NTM: variants seen among roughly 807,000 people sequenced by gnomAD.
The protein encoded by NTM is neurotrimin.
NTM carries 13 observed loss-of-function variants against 42.1 expected under a neutral mutation model. That is an observed-to-expected ratio of 0.31 (90% CI 0.20 to 0.49). The LOEUF is 0.49. NTM is among the 20% of genes least tolerant of loss of function. The probability of loss-of-function intolerance (pLI) is 0.99; values close to 1 mark genes in which losing one functional copy is unlikely to be tolerated. For synonymous variants in NTM, 187 were observed against 179.2 expected (o/e 1.04, Z -0.35); for missense variants, 373 against 452.8 (o/e 0.82, Z 1.60).
At chr11:132,142,163 TC>T (rs903451862) in intron 2 of NTM, among the ~76,000 whole-genome samples, 1 of 152,216 alleles carries the variant, frequency 6.6e-6, no homozygotes, top group Non-Finnish European at 1.5e-5. Context: ...TCTGGGAACA[TC>T]CCGCCCTTTT....
At chr11:132,206,495 C>T (rs1265397136) in intron 3 of NTM, among the ~76,000 whole-genome samples, 1 of 152,210 alleles carries the variant, frequency 6.6e-6, no homozygotes, top group African/African-American at 2.4e-5. Context: ...TCATAACTTA[C>T]TCCTATGTCT....
rs569490581 is a variant in NTM at position 131,847,728 on chromosome 11, A to G, written c.83-63836A>G. 1.8e-4 allele frequency among the ~76,000 whole-genome samples: 28 copies of G among 152,254 alleles called. 1 individual carries two copies. The South Asian group carries it at 5.4e-3, about 29-fold the overall frequency. ...CAGCAGTAGGGAAATACCAAAAAAAAATAAAAATAAAATAAAAACAATAAC... is the reference window on the plus strand; with the variant it reads ...CAGCAGTAGGGAAATACCAAAAAAAGATAAAAATAAAATAAAAACAATAAC... On this transcript the variant is annotated intron_variant, in intron 1 of 8. Coordinates refer to ENST00000683400, the MANE Select transcript of NTM (RefSeq NM_001352005.2).
At chr11:131,650,173 A>G (rs2066290110) in intron 1 of NTM, among the ~76,000 whole-genome samples, 1 of 152,158 alleles carries the variant, frequency 6.6e-6, no homozygotes, top group Admixed American at 6.5e-5. Context: ...CCATTTCACT[A>G]AGACACCATG....
chr11:132,315,180 C>A, intron 7 of NTM: 2 of 690,370 alleles, frequency 2.9e-6, no homozygotes, highest in Non-Finnish European at 3.6e-6. Context: ...CTATTTCAGT[C>A]TTTGCTTACT....
intron 1 of NTM, among the ~76,000 whole-genome samples, chr11:131,418,197 A>T (rs1947145454): frequency 6.6e-6 from 1 of 152,220 alleles, no homozygotes; most frequent in Non-Finnish European, 1.5e-5. Flanking sequence ...AGAGACCTTT[A>T]AATGTCAACA....
At chr11:131,446,092 C>T (rs1252710874) in intron 1 of NTM, among the ~76,000 whole-genome samples, 1 of 152,196 alleles carries the variant, frequency 6.6e-6, no homozygotes, top group Admixed American at 6.5e-5. Flanking sequence ...CAACTTAAGA[C>T]ATCACACGTC....
At chr11:131,760,718 T>A (rs750588595) in intron 1 of NTM, among the ~76,000 whole-genome samples, 8 of 152,034 alleles carry the variant, frequency 5.3e-5, no homozygotes, top group Non-Finnish European at 1.2e-4. Context: ...TCTCATGGGA[T>A]CTGGGCCCTG....
intron 1 of NTM, among the ~76,000 whole-genome samples, chr11:131,640,215 A>G (rs1056463082): frequency 6.6e-6 from 1 of 152,222 alleles, no homozygotes; most frequent in African/African-American, 2.4e-5. Flanking sequence ...TAAGCAAAGG[A>G]TGAGACCAAA....
chr11:132,326,863 G>A (rs1214419196), intron 7 of NTM, among the ~76,000 whole-genome samples: 1 of 152,172 alleles, frequency 6.6e-6, no homozygotes, highest in Non-Finnish European at 1.5e-5. Context: ...TACGCTCCAA[G>A]TTATACTTAC....
chr11:131,496,773 A>T (rs115086924), intron 1 of NTM, among the ~76,000 whole-genome samples: 3,982 of 152,320 alleles, frequency 0.026, 171 homozygotes, highest in African/African-American at 0.09. Context: ...TGGCCCAGAC[A>T]GCACCTCCTC....
At chr11:131,789,241 AAGTTATAT>A (rs2089782055) in intron 1 of NTM, among the ~76,000 whole-genome samples, 1 of 151,512 alleles carries the variant, frequency 6.6e-6, no homozygotes, top group Admixed American at 6.6e-5. Context: ...AGAGTTCCTA[AAGTTATAT>A]AGTTATATAG....
At chr11:131,436,948 G>A (rs143478515) in intron 1 of NTM, among the ~76,000 whole-genome samples, 5,023 of 152,220 alleles carry the variant, frequency 0.033, 303 homozygotes, top group African/African-American at 0.12. Context: ...TCTACACACT[G>A]CTTTAAATGT....
chr11:132,310,056 C>CAAAAAAAAAAA, intron 5 of NTM, 56 bp from the exon 6 acceptor site: 1 of 1,316,924 alleles, frequency 7.6e-7, no homozygotes, highest in South Asian at 1.7e-5. Context: ...GACTCCATCT[C>CAAAAAAAAAAA]AAAAAAAAAA....
intron 1 of NTM, among the ~76,000 whole-genome samples, chr11:131,821,861 T>C (rs143010194): frequency 8.0e-4 from 122 of 152,320 alleles, no homozygotes; most frequent in African/African-American, 2.5e-3. Context: ...CACAGAACTT[T>C]CTTAGGTCTA....
At chr11:131,904,459 G>A (rs1273523385) in intron 1 of NTM, among the ~76,000 whole-genome samples, 1 of 152,188 alleles carries the variant, frequency 6.6e-6, no homozygotes, top group South Asian at 2.1e-4. Flanking sequence ...AATGTCTCCA[G>A]GTGACTCTTT....
At chr11:131,664,532 C>T (rs371714573) in intron 1 of NTM, among the ~76,000 whole-genome samples, 1 of 152,170 alleles carries the variant, frequency 6.6e-6, no homozygotes, top group East Asian at 1.9e-4. Context: ...CGTATGGGCC[C>T]CAGGAAATTA....
chr11:131,380,053 C>T (rs1157742247), intron 1 of NTM, among the ~76,000 whole-genome samples: 3 of 152,178 alleles, frequency 2.0e-5, no homozygotes, highest in African/African-American at 7.2e-5. Flanking sequence ...ACTCCCTGCT[C>T]CATGGCCTCT....
chr11:131,984,214 C>T (rs1432530674), intron 2 of NTM, among the ~76,000 whole-genome samples: 1 of 152,158 alleles, frequency 6.6e-6, no homozygotes, highest in Admixed American at 6.5e-5. Context: ...TCCGAGTTCA[C>T]CTGGTGGTAT....
chr11:131,647,408 A>G (rs1409056794), intron 1 of NTM, among the ~76,000 whole-genome samples: 1 of 152,232 alleles, frequency 6.6e-6, no homozygotes, highest in East Asian at 1.9e-4. Context: ...GGGCAGCCCT[A>G]CACTGCCTGT....
Sources: gnomAD v4.1 joint callset for allele counts (sites outside exome capture counted in the v4.1 genomes callset) on GRCh38, gnomAD v4.1.1 for gene constraint, MANE v1.5 for transcripts, NCBI Gene and HGNC (gene_info 2026-07-23, HGNC 2026-07-21) for gene names.